Variants in EPHA3 observed in about 807,000 individuals in gnomAD.
EPHA3 encodes the protein ephrin type-A receptor 3.
In EPHA3, 42 loss-of-function variants were observed where a neutral mutation model predicts 107.1. The observed-to-expected ratio is 0.39, with a 90% confidence interval of 0.31 to 0.51. The LOEUF is 0.51. EPHA3 is among the 20% of genes least tolerant of loss of function. EPHA3 has a pLI of 0.78. For missense variants in EPHA3, 1,183 were observed against 1,211.2 expected (o/e 0.98, Z 0.35); for synonymous variants, 461 against 424.8 (o/e 1.09, Z -1.05).
intron 3 of EPHA3, among the ~76,000 whole-genome samples, chr3:89,268,249 A>T (rs1705584421): frequency 6.6e-6 from 1 of 152,114 alleles, no homozygotes; most frequent in Admixed American, 6.6e-5. Flanking sequence ...AAATTCACAA[A>T]TTCTGACACT....
chr3:89,251,978 A>C (rs1705175790), intron 3 of EPHA3, among the ~76,000 whole-genome samples: 1 of 152,150 alleles, frequency 6.6e-6, no homozygotes, highest in Admixed American at 6.5e-5. Context: ...AGCATGGATA[A>C]AAGTAATTAT....
chr3:89,355,927 C>T (rs1413805867), intron 5 of EPHA3, among the ~76,000 whole-genome samples: 1 of 149,578 alleles, frequency 6.7e-6, no homozygotes, highest in Non-Finnish European at 1.5e-5. Flanking sequence ...TGGTGTGCTG[C>T]ACCCATTAAC....
intron 5 of EPHA3, among the ~76,000 whole-genome samples, chr3:89,359,822 C>CAT (rs201236308): frequency 5.6e-4 from 73 of 130,100 alleles, no homozygotes; most frequent in African/African-American, 1.5e-3. Context: ...CATATATATA[C>CAT]ATATATATAT....
At chr3:89,383,642 T>C (rs571365566) in intron 5 of EPHA3, among the ~76,000 whole-genome samples, 1,342 of 127,824 alleles carry the variant, frequency 0.01, 20 homozygotes, top group African/African-American at 0.037. Context: ...TCTTCTTCTT[T>C]TTTTTTTTTT....
At chr3:89,235,146 T>C (rs968861941) in intron 3 of EPHA3, among the ~76,000 whole-genome samples, 20 of 151,032 alleles carry the variant, frequency 1.3e-4, no homozygotes, top group Non-Finnish European at 2.7e-4. Context: ...GGTCTCGAAC[T>C]CCTGACCTCA....
At chr3:89,187,372 A>G (rs146807003) in intron 2 of EPHA3, among the ~76,000 whole-genome samples, 1,494 of 148,766 alleles carry the variant, frequency 0.01, 11 homozygotes, top group East Asian at 0.028. Context: ...ATAAATGTAT[A>G]TATCTATGCA....
chr3:89,402,278 G>A (rs565401857), intron 7 of EPHA3, among the ~76,000 whole-genome samples: 2 of 152,208 alleles, frequency 1.3e-5, no homozygotes, highest in East Asian at 3.9e-4. Context: ...TTTTTGCCAA[G>A]TAAGTTTTGT....
chr3:89,430,615 C>T (rs1709546920), intron 12 of EPHA3, among the ~76,000 whole-genome samples: 1 of 151,970 alleles, frequency 6.6e-6, no homozygotes, highest in Non-Finnish European at 1.5e-5. Context: ...TTATTGCTTT[C>T]TATTTTGTGA....
intron 3 of EPHA3, among the ~76,000 whole-genome samples, chr3:89,266,286 G>A (rs1705536916): frequency 6.6e-6 from 1 of 152,122 alleles, no homozygotes; most frequent in African/African-American, 2.4e-5. Context: ...TGAAACAGAT[G>A]AGATTTGAAA....
At chr3:89,380,971 G>GTTTTTTTTTTTTTT (rs1373969030) in intron 5 of EPHA3, among the ~76,000 whole-genome samples, 1 of 151,230 alleles carries the variant, frequency 6.6e-6, no homozygotes, top group African/African-American at 2.5e-5. Context: ...GCTATAGGCT[G>GTTTTTTTTTTTTTT]TTTGTTTGTT....
intron 5 of EPHA3, among the ~76,000 whole-genome samples, chr3:89,348,812 C>T (rs1707737010): frequency 2.1e-5 from 3 of 143,758 alleles, no homozygotes; most frequent in East Asian, 2.0e-4. Context: ...TCTGGTATGT[C>T]GTGTCTTTGT....
At chr3:89,442,504 TG>T (rs1709804113) in intron 13 of EPHA3, among the ~76,000 whole-genome samples, 2 of 152,154 alleles carry the variant, frequency 1.3e-5, no homozygotes, top group African/African-American at 4.8e-5. Context: ...CTGTCACAAC[TG>T]GGGAGATGCT....
At chr3:89,418,895 G>T (rs1449778370) in intron 10 of EPHA3, among the ~76,000 whole-genome samples, 1 of 151,338 alleles carries the variant, frequency 6.6e-6, no homozygotes, top group East Asian at 1.9e-4. Context: ...ACAACAAGGG[G>T]TAAAAAATCT....
At chr3:89,206,636 G>C (rs562787653) in intron 2 of EPHA3, among the ~76,000 whole-genome samples, 1 of 152,232 alleles carries the variant, frequency 6.6e-6, no homozygotes, top group African/African-American at 2.4e-5. Context: ...GATTTTTGGA[G>C]CACCAAGTCT....
intron 2 of EPHA3, among the ~76,000 whole-genome samples, chr3:89,192,676 T>A (rs1034265379): frequency 1.4e-4 from 22 of 152,066 alleles, no homozygotes; most frequent in African/African-American, 5.1e-4. Context: ...CCTACTTAAT[T>A]TCATGGTATT....
At chr3:89,362,198 A>C (rs979815786) in intron 5 of EPHA3, among the ~76,000 whole-genome samples, 1 of 151,088 alleles carries the variant, frequency 6.6e-6, no homozygotes, top group South Asian at 2.1e-4. Context: ...GAAGATCTTC[A>C]TTTCTTTTTG....
At chr3:89,188,554 A>T (rs1305235282) in intron 2 of EPHA3, among the ~76,000 whole-genome samples, 2 of 152,172 alleles carry the variant, frequency 1.3e-5, no homozygotes, top group African/African-American at 2.4e-5. Flanking sequence ...TTCTCTGTAC[A>T]ATCTTTTCCT....
In EPHA3 at chr3:89,160,548, T is replaced by TGTG. The variant is rs1553707124; in HGVS notation, c.153+33275_153+33276insGTG. On this transcript the variant is annotated intron_variant, in intron 2 of 16. Transcript: ENST00000336596. The stretch of plus-strand genomic sequence containing the variant: ...AGTCAGAGAAAAGTAATATTAGATT[T>TGTG]TGTGTGTGTGTGTGTGTGTGTGTGT... 7.2e-3 allele frequency among the ~76,000 whole-genome samples: 867 copies of TGTG among 120,522 alleles called. 25 individuals carry two copies. The highest frequency in any genetic ancestry group is 0.029 in the African/African-American group (817 of 28,198). The allele number at this position is 120,522 out of a possible 152,430, so 79.1% of individuals were successfully genotyped here.
chr3:89,261,385 G>C (rs1302412851), intron 3 of EPHA3, among the ~76,000 whole-genome samples: 1 of 152,068 alleles, frequency 6.6e-6, no homozygotes, highest in Non-Finnish European at 1.5e-5. Flanking sequence ...AAAGTCATCT[G>C]CACTGAGAGC....
Sources: gnomAD v4.1 joint callset for allele counts (sites outside exome capture counted in the v4.1 genomes callset) on GRCh38, gnomAD v4.1.1 for gene constraint, MANE v1.5 for transcripts, NCBI Gene and HGNC (gene_info 2026-07-23, HGNC 2026-07-21) for gene names.